SEMA6D: variants seen among roughly 807,000 people sequenced by gnomAD.
SEMA6D encodes semaphorin 6D, also known as semaphorin-6D.
Under a neutral mutation model 106.6 loss-of-function variants are expected in SEMA6D, and 35 were observed. The observed-to-expected ratio is 0.33, with a 90% CI of 0.25 to 0.44. The LOEUF is 0.44. SEMA6D is among the 20% of genes least tolerant of loss of function. SEMA6D has a pLI of 1.00. For synonymous variants in SEMA6D, 499 were observed against 487.7 expected (o/e 1.02, Z -0.31); for missense variants, 1,185 against 1,345.9 (o/e 0.88, Z 1.87).
intron 1 of SEMA6D, among the ~76,000 whole-genome samples, chr15:47,300,440 A>G (rs1031205970): frequency 2.6e-5 from 4 of 151,104 alleles, no homozygotes; most frequent in African/African-American, 9.7e-5. Context: ...GGGGGTGGGC[A>G]GTGTTGGGGG....
At chr15:47,238,049 A>T (rs2032667377) in intron 1 of SEMA6D, among the ~76,000 whole-genome samples, 2 of 152,162 alleles carry the variant, frequency 1.3e-5, no homozygotes, top group Non-Finnish European at 2.9e-5. Context: ...TGATGATGAC[A>T]CAAGTATTCT....
chr15:47,523,042 G>A (rs2141960081), intron 3 of SEMA6D, among the ~76,000 whole-genome samples: 1 of 152,304 alleles, frequency 6.6e-6, no homozygotes, highest in East Asian at 1.9e-4. Context: ...CACCAGGGAG[G>A]CAGTGGGGAT....
intron 1 of SEMA6D, among the ~76,000 whole-genome samples, chr15:47,388,308 T>C (rs1044887572): frequency 1.2e-4 from 19 of 152,234 alleles, no homozygotes; most frequent in African/African-American, 3.6e-4. Flanking sequence ...GTCCCTCCTT[T>C]ACCTGTTGTT....
intron 4 of SEMA6D, among the ~76,000 whole-genome samples, chr15:47,686,503 G>A (rs545816082): frequency 6.6e-6 from 1 of 152,304 alleles, no homozygotes; most frequent in South Asian, 2.1e-4. Flanking sequence ...CTCCATCATC[G>A]TGCAAATGCA....
intron 1 of SEMA6D, among the ~76,000 whole-genome samples, chr15:47,383,972 T>TA (rs2039730453): frequency 6.6e-6 from 1 of 152,200 alleles, no homozygotes; most frequent in South Asian, 2.1e-4. Context: ...TTCACACACA[T>TA]AGAGTGTTTT....
At chr15:47,351,129 G>A (rs574114013) in intron 1 of SEMA6D, among the ~76,000 whole-genome samples, 26 of 152,070 alleles carry the variant, frequency 1.7e-4, no homozygotes, top group Admixed American at 5.9e-4. Context: ...TCTGCATATC[G>A]CCTTCTTCCT....
chr15:47,438,874 G>C (rs2041801950), intron 2 of SEMA6D, among the ~76,000 whole-genome samples: 1 of 152,012 alleles, frequency 6.6e-6, no homozygotes, highest in South Asian at 2.1e-4. Context: ...GTCTGGAACA[G>C]AATCTGTCGC....
At chr15:47,392,658 G>A (rs2040078356) in intron 1 of SEMA6D, among the ~76,000 whole-genome samples, 1 of 152,094 alleles carries the variant, frequency 6.6e-6, no homozygotes, top group African/African-American at 2.4e-5. Flanking sequence ...GAAATTTCTG[G>A]GCTAAAATTC....
At chr15:47,724,809 G>A (rs1185702915) in intron 1 of SEMA6D, among the ~76,000 whole-genome samples, 1 of 152,184 alleles carries the variant, frequency 6.6e-6, no homozygotes, top group African/African-American at 2.4e-5. Context: ...TACAGCTTAA[G>A]CCATCAGAAT....
Position 47,286,631 on chromosome 15 carries a change from T to C in SEMA6D, c.-239+102213T>C, listed in dbSNP as rs72623945. ...CATTTTAATCTACTGCAATATGTTGTGTTATGTGAAGTACATAAAATTTGG... is the reference window on the plus strand; with the variant it reads ...CATTTTAATCTACTGCAATATGTTGCGTTATGTGAAGTACATAAAATTTGG... On this transcript the variant is annotated intron_variant, in intron 1 of 19. Coordinates refer to the SEMA6D transcript ENST00000558014. 0.057 allele frequency among the ~76,000 whole-genome samples: 8,690 copies of C among 152,208 alleles called. 1,242 individuals carry two copies. The East Asian group carries it at 0.61, about 11-fold the overall frequency.
chr15:47,245,937 T>TA (rs2033170345), intron 1 of SEMA6D, among the ~76,000 whole-genome samples: 2 of 152,114 alleles, frequency 1.3e-5, no homozygotes, highest in South Asian at 4.2e-4. Context: ...AAAAAAATCA[T>TA]AAACATGCTT....
At chr15:47,191,999 T>A (rs928406866) in intron 1 of SEMA6D, among the ~76,000 whole-genome samples, 1 of 152,164 alleles carries the variant, frequency 6.6e-6, no homozygotes, top group Non-Finnish European at 1.5e-5. Context: ...AATCCAACGT[T>A]CTTATACTTT....
intron 4 of SEMA6D, among the ~76,000 whole-genome samples, chr15:47,618,730 G>A (rs2144122914): frequency 6.6e-6 from 1 of 152,318 alleles, no homozygotes. Context: ...AGTGTATGGT[G>A]CAGCCAGAGT....
chr15:47,398,864 A>G (rs1011653603), intron 1 of SEMA6D, among the ~76,000 whole-genome samples: 16 of 152,298 alleles, frequency 1.1e-4, no homozygotes, highest in Non-Finnish European at 1.9e-4. Context: ...GATGTGCACC[A>G]TAATGGGAAG....
At chr15:47,745,485 T>C (rs1429933797) in intron 1 of SEMA6D, among the ~76,000 whole-genome samples, 1 of 152,230 alleles carries the variant, frequency 6.6e-6, no homozygotes, top group East Asian at 1.9e-4. Context: ...TCAGCCTCCA[T>C]CCCTGACAGC....
At chr15:47,262,033 C>T (rs2034098622) in intron 1 of SEMA6D, among the ~76,000 whole-genome samples, 1 of 151,908 alleles carries the variant, frequency 6.6e-6, no homozygotes, top group South Asian at 2.1e-4. Context: ...TTCCTATACA[C>T]AAAAAACAGT....
At chr15:47,434,820 A>G (rs1187975258) in intron 2 of SEMA6D, among the ~76,000 whole-genome samples, 1 of 152,156 alleles carries the variant, frequency 6.6e-6, no homozygotes, top group Non-Finnish European at 1.5e-5. Context: ...CAAGAGGAAT[A>G]TGTGTGTTTA....
intron 3 of SEMA6D, among the ~76,000 whole-genome samples, chr15:47,530,930 A>G (rs372902096): frequency 2.6e-5 from 4 of 152,236 alleles, no homozygotes; most frequent in Non-Finnish European, 5.9e-5. Context: ...GAAATAATTC[A>G]AACTAGTAAC....
chr15:47,304,260 A>G (rs2036138873), intron 1 of SEMA6D, among the ~76,000 whole-genome samples: 1 of 151,854 alleles, frequency 6.6e-6, no homozygotes, highest in Admixed American at 6.6e-5. Flanking sequence ...CCTGGCCAAC[A>G]TAGTGAAACC....
Sources: gnomAD v4.1 joint callset for allele counts (sites outside exome capture counted in the v4.1 genomes callset) on GRCh38, gnomAD v4.1.1 for gene constraint, MANE v1.5 for transcripts, NCBI Gene and HGNC (gene_info 2026-07-23, HGNC 2026-07-21) for gene names.